CRIM1: variants seen among roughly 807,000 people sequenced by gnomAD.
CRIM1 encodes the protein cysteine rich transmembrane BMP regulator 1, also known as cysteine-rich motor neuron 1 protein.
In CRIM1, 32 loss-of-function variants were observed where a neutral mutation model predicts 116.4. The ratio of observed to expected loss-of-function variants is 0.27; its 90% CI spans 0.21 to 0.37. The LOEUF is 0.37. Among genes scored for constraint, CRIM1 ranks in the 10% least tolerant of loss-of-function variants. The pLI, the probability that CRIM1 is intolerant of heterozygous loss-of-function variation, is 1.00. For missense variants in CRIM1, 1,331 were observed against 1,354.8 expected (o/e 0.98, Z 0.28); for synonymous variants, 590 against 509.2 (o/e 1.16, Z -2.13).
chr2:36,532,254 G>GA (rs1344697281), intron 13 of CRIM1, among the ~76,000 whole-genome samples: 1 of 152,250 alleles, frequency 6.6e-6, no homozygotes, highest in Non-Finnish European at 1.5e-5. Context: ...GGACTACTTA[G>GA]AAGGGGATCA....
At chr2:36,454,005 T>C (rs1412340336) in intron 4 of CRIM1, among the ~76,000 whole-genome samples, 1 of 152,248 alleles carries the variant, frequency 6.6e-6, no homozygotes, top group Non-Finnish European at 1.5e-5. Context: ...TGTTGGGTTT[T>C]CTTGAGATAA....
chr2:36,428,875 G>C (rs1674656626), intron 2 of CRIM1, among the ~76,000 whole-genome samples: 1 of 152,186 alleles, frequency 6.6e-6, no homozygotes, highest in Admixed American at 6.5e-5. Flanking sequence ...TTCCTGCGTA[G>C]ATATAAAATG....
chr2:36,409,856 C>G (rs1673079752), intron 2 of CRIM1, among the ~76,000 whole-genome samples: 1 of 152,160 alleles, frequency 6.6e-6, no homozygotes, highest in African/African-American at 2.4e-5. Context: ...AAATTTGACT[C>G]ATTCCCTAGT....
intron 8 of CRIM1, among the ~76,000 whole-genome samples, chr2:36,505,975 A>C (rs1350684040): frequency 6.6e-6 from 1 of 152,142 alleles, no homozygotes; most frequent in African/African-American, 2.4e-5. Context: ...CTGCTTTAAC[A>C]GATTTGTATT....
At chr2:36,454,892 G>A (rs1049405244) in intron 4 of CRIM1, among the ~76,000 whole-genome samples, 6 of 152,094 alleles carry the variant, frequency 3.9e-5, no homozygotes, top group Admixed American at 1.3e-4. Context: ...AAGTAAGTTG[G>A]GTTTGGGAGA....
chr2:36,484,863 T>C (rs936791713), intron 7 of CRIM1, among the ~76,000 whole-genome samples: 1 of 152,202 alleles, frequency 6.6e-6, no homozygotes, highest in African/African-American at 2.4e-5. Context: ...AAAAATTCCG[T>C]GCTAGCGGTT....
At chr2:36,456,624 C>T (rs889311264) in intron 4 of CRIM1, among the ~76,000 whole-genome samples, 5 of 152,164 alleles carry the variant, frequency 3.3e-5, no homozygotes, top group African/African-American at 4.8e-5. Flanking sequence ...GGGAGCCTTC[C>T]GTTCCTGGGA....
chr2:36,475,381 G>C (rs150358775), intron 5 of CRIM1, among the ~76,000 whole-genome samples: 1 of 152,018 alleles, frequency 6.6e-6, no homozygotes, highest in Non-Finnish European at 1.5e-5. Flanking sequence ...TTCATTTTCT[G>C]ATTGTTCATT....
intron 8 of CRIM1, among the ~76,000 whole-genome samples, chr2:36,499,994 A>G (rs751994645): frequency 6.6e-5 from 10 of 152,054 alleles, no homozygotes; most frequent in Non-Finnish European, 1.2e-4. Flanking sequence ...GACACACAAT[A>G]TGTCATTGTC....
At chr2:36,509,827 GC>G (rs922516515) in intron 8 of CRIM1, among the ~76,000 whole-genome samples, 155 bp from the exon 9 acceptor site, 1 of 152,172 alleles carries the variant, frequency 6.6e-6, no homozygotes, top group Non-Finnish European at 1.5e-5. Context: ...CCATGAAATA[GC>G]ACAGTCTATG....
At chr2:36,390,138 T>C (rs895945860) in intron 1 of CRIM1, among the ~76,000 whole-genome samples, 21 of 151,896 alleles carry the variant, frequency 1.4e-4, no homozygotes, top group Non-Finnish European at 3.1e-4. Context: ...AAAGACTAAG[T>C]CCAGGACAAG....
intron 15 of CRIM1, among the ~76,000 whole-genome samples, chr2:36,545,638 A>G (rs1441259194): frequency 1.3e-5 from 2 of 152,176 alleles, no homozygotes; most frequent in African/African-American, 2.4e-5. Flanking sequence ...TTTGGCTGCT[A>G]CAAAGCTCAA....
At chr2:36,402,812 T>C (rs1672518406) in intron 2 of CRIM1, among the ~76,000 whole-genome samples, 1 of 151,650 alleles carries the variant, frequency 6.6e-6, no homozygotes, top group Non-Finnish European at 1.5e-5. Flanking sequence ...CTCTTCGATG[T>C]GGAGTTTAAG....
chr2:36,468,754 C>T (rs1007800539), intron 5 of CRIM1, among the ~76,000 whole-genome samples: 1 of 152,188 alleles, frequency 6.6e-6, no homozygotes, highest in Non-Finnish European at 1.5e-5. Context: ...TAACACAGTA[C>T]CCCCTGCTGT....
intron 2 of CRIM1, among the ~76,000 whole-genome samples, chr2:36,418,928 C>T (rs904523297): frequency 3.3e-5 from 5 of 152,202 alleles, no homozygotes; most frequent in Admixed American, 1.3e-4. Context: ...GTCACCACCA[C>T]TGGAGTTGTT....
chr2:36,479,418 GAA>G, intron 6 of CRIM1, 77 bp from the exon 7 acceptor site: 1 of 1,435,142 alleles, frequency 7.0e-7, no homozygotes, highest in Non-Finnish European at 9.7e-7. Context: ...AGAACCCAGG[GAA>G]AAAATGTCTC....
At position 36,459,501 on chromosome 2, in the gene CRIM1, C is replaced by T. The variant is rs776331133; in HGVS notation, c.870-5033C>T. On this transcript the variant is annotated intron_variant, in intron 4 of 16. Coordinates refer to ENST00000280527, the MANE Select transcript of CRIM1 (RefSeq NM_016441.3). ...TTATTTATAAGACAAGTAAGACATG[C>T]CCCCTGCACTAGAGGAATTCACAGG... 5.6e-4 allele frequency among the ~76,000 whole-genome samples: 85 copies of T among 152,110 alleles called. 1 individual carries two copies. Among genetic ancestry groups the T allele is most frequent in the Non-Finnish European group, 3.8e-4 (26 of 68,034 alleles).
chr2:36,367,438 T>C (rs1274647098), intron 1 of CRIM1, among the ~76,000 whole-genome samples: 9 of 152,180 alleles, frequency 5.9e-5, no homozygotes, highest in Admixed American at 6.5e-5. Context: ...CTTCATCTCT[T>C]AATAGCCCAG....
At chr2:36,424,001 A>G (rs188316526) in intron 2 of CRIM1, among the ~76,000 whole-genome samples, 33 of 152,316 alleles carry the variant, frequency 2.2e-4, no homozygotes, top group African/African-American at 7.5e-4. Flanking sequence ...AATAGAGAAA[A>G]AAAGAGATTT....
Sources: gnomAD v4.1 joint callset for allele counts (sites outside exome capture counted in the v4.1 genomes callset) on GRCh38, gnomAD v4.1.1 for gene constraint, MANE v1.5 for transcripts, NCBI Gene and HGNC (gene_info 2026-07-23, HGNC 2026-07-21) for gene names.